MYO16: variants seen among roughly 807,000 people sequenced by gnomAD.
The protein encoded by MYO16 is myosin XVI.
Under a neutral mutation model 205.3 loss-of-function variants are expected in MYO16, and 94 were observed. That is an observed-to-expected ratio of 0.46 (90% confidence interval 0.39 to 0.54). The LOEUF (loss-of-function observed/expected upper bound fraction) is 0.54. MYO16 is among the 20% of genes least tolerant of loss of function. MYO16 has a pLI of 0.00. For synonymous variants in MYO16, 988 were observed against 954.0 expected, an observed-to-expected ratio of 1.04 and a Z score of -0.66; for missense variants, 2,315 against 2,387.5, an observed-to-expected ratio of 0.97 and a Z score of 0.63.
chr13:109,068,933 A>G (rs12428368), intron 27 of MYO16, among the ~76,000 whole-genome samples: 4 of 152,254 alleles, frequency 2.6e-5, no homozygotes, highest in East Asian at 1.9e-4. Flanking sequence ...AAATGGGTCA[A>G]TAGTCAACAA....
intron 4 of MYO16, among the ~76,000 whole-genome samples, chr13:108,749,873 C>T (rs952114982): frequency 6.6e-6 from 1 of 152,124 alleles, no homozygotes; most frequent in Non-Finnish European, 1.5e-5. Flanking sequence ...TTGGAAGCAG[C>T]CAAGATGTCC....
At chr13:109,070,980 C>T (rs989756919) in intron 27 of MYO16, among the ~76,000 whole-genome samples, 12 of 152,158 alleles carry the variant, frequency 7.9e-5, no homozygotes, top group African/African-American at 2.9e-4. Context: ...GCATGCTCTA[C>T]TACCAACTAC....
intron 27 of MYO16, among the ~76,000 whole-genome samples, chr13:109,083,697 A>G (rs1159115034): frequency 2.0e-5 from 3 of 152,194 alleles, no homozygotes; most frequent in Non-Finnish European, 4.4e-5. Context: ...ATAGGTGAGC[A>G]AGACACAGTG....
chr13:108,905,566 A>G (rs1880928305), intron 15 of MYO16, among the ~76,000 whole-genome samples: 1 of 152,192 alleles, frequency 6.6e-6, no homozygotes, highest in South Asian at 2.1e-4. Flanking sequence ...TATTGACCAG[A>G]TAAGTTCTCA....
At chr13:108,658,086 A>G (rs1384538013) in intron 1 of MYO16, among the ~76,000 whole-genome samples, 1 of 152,152 alleles carries the variant, frequency 6.6e-6, no homozygotes, top group African/African-American at 2.4e-5. Flanking sequence ...TGCTTGTCTC[A>G]GAAAATGAAC....
intron 31 of MYO16, among the ~76,000 whole-genome samples, chr13:109,136,992 G>A (rs977436283): frequency 1.3e-5 from 2 of 152,202 alleles, no homozygotes; most frequent in African/African-American, 4.8e-5. Flanking sequence ...GCTCTGCTGA[G>A]CAGTTCTCAA....
chr13:108,546,250 C>T, the MYO16 span, among the ~76,000 whole-genome samples: 7 of 152,150 alleles, frequency 4.6e-5, 1 homozygote, highest in African/African-American at 1.7e-4. Context: ...CTGCCAGAGG[C>T]CCTTAGGGTT....
At chr13:109,068,654 C>T (rs1351937378) in intron 27 of MYO16, among the ~76,000 whole-genome samples, 1 of 149,808 alleles carries the variant, frequency 6.7e-6, no homozygotes, top group Non-Finnish European at 1.5e-5. Flanking sequence ...TGCAATGGCA[C>T]AGTCTTGGCT....
chr13:108,948,441 C>T (rs1594417923), intron 16 of MYO16, among the ~76,000 whole-genome samples: 1 of 152,214 alleles, frequency 6.6e-6, no homozygotes, highest in South Asian at 2.1e-4. Context: ...CTTGAACCTT[C>T]AATCCCAGCA....
intron 16 of MYO16, among the ~76,000 whole-genome samples, chr13:108,949,022 G>A (rs1215814237): frequency 6.6e-6 from 1 of 152,158 alleles, no homozygotes; most frequent in Admixed American, 6.5e-5. Context: ...ATTAGAAATA[G>A]CACATAGTCA....
At chr13:108,676,872 T>C (rs1460168315) in intron 2 of MYO16, among the ~76,000 whole-genome samples, 2 of 151,964 alleles carry the variant, frequency 1.3e-5, no homozygotes, top group African/African-American at 2.4e-5. Flanking sequence ...CCTTCCTCCA[T>C]TCCTTGCAGA....
intron 20 of MYO16, among the ~76,000 whole-genome samples, chr13:108,980,333 A>G (rs1030488723): frequency 6.6e-6 from 1 of 152,214 alleles, no homozygotes. Flanking sequence ...ACTGTTAGCT[A>G]TTCCTGCTCT....
At chr13:108,969,098 T>C (rs1258514414) in intron 20 of MYO16, among the ~76,000 whole-genome samples, 2 of 152,200 alleles carry the variant, frequency 1.3e-5, no homozygotes. Context: ...GTGAGTTGGA[T>C]CTTTTTTTGT....
intron 23 of MYO16, among the ~76,000 whole-genome samples, chr13:109,045,552 C>T (rs1226029958): frequency 6.6e-6 from 1 of 152,194 alleles, no homozygotes; most frequent in Non-Finnish European, 1.5e-5. Context: ...TGTCCCCCAG[C>T]TCAACTGATC....
intron 4 of MYO16, among the ~76,000 whole-genome samples, chr13:108,745,128 C>T (rs1237724170): frequency 6.6e-6 from 1 of 152,126 alleles, no homozygotes; most frequent in Non-Finnish European, 1.5e-5. Flanking sequence ...TTTCTTGGAC[C>T]TATCAGAGAA....
chr13:109,197,962 C>T (rs1281007279), intron 34 of MYO16, among the ~76,000 whole-genome samples: 1 of 152,134 alleles, frequency 6.6e-6, no homozygotes, highest in Non-Finnish European at 1.5e-5. Flanking sequence ...GTGTGTTTTT[C>T]CCACTTTATG....
chr13:108,859,877 C>T (rs1478131069), intron 11 of MYO16, among the ~76,000 whole-genome samples: 1 of 152,084 alleles, frequency 6.6e-6, no homozygotes, highest in Non-Finnish European at 1.5e-5. Context: ...AATTCTGAAA[C>T]AAATATATTG....
intron 7 of MYO16, among the ~76,000 whole-genome samples, chr13:108,815,255 C>T (rs942313522): frequency 6.6e-6 from 1 of 152,124 alleles, no homozygotes; most frequent in Non-Finnish European, 1.5e-5. Flanking sequence ...GTGCCCCCAA[C>T]GATGTCCATG....
chr13:108,938,466 A>T (rs72654038), intron 16 of MYO16, among the ~76,000 whole-genome samples: 6,990 of 152,308 alleles, frequency 0.046, 304 homozygotes, highest in Admixed American at 0.13. Context: ...ACAAACCCCA[A>T]TGCTAAGGGA....
Sources: gnomAD v4.1 joint callset for allele counts (sites outside exome capture counted in the v4.1 genomes callset) on GRCh38, gnomAD v4.1.1 for gene constraint, MANE v1.5 for transcripts, NCBI Gene and HGNC (gene_info 2026-07-23, HGNC 2026-07-21) for gene names.